Variants in UBE2O observed in about 807,000 individuals in gnomAD.
The protein encoded by UBE2O is ubiquitin conjugating enzyme E2 O.
In UBE2O, 15 loss-of-function variants were observed where a neutral mutation model predicts 125.8. That is an observed-to-expected ratio of 0.12 (90% CI 0.08 to 0.18). The LOEUF (loss-of-function observed/expected upper bound fraction) is 0.18. Among genes scored for constraint, UBE2O ranks in the 10% least tolerant of loss-of-function variants. The probability of loss-of-function intolerance (pLI) is 1.00; values close to 1 mark genes in which losing one functional copy is unlikely to be tolerated. For synonymous variants in UBE2O, 708 were observed against 703.2 expected (o/e 1.01, Z -0.11); for missense variants, 1,280 against 1,723.6 (o/e 0.74, Z 4.56).
chr17:76,426,834 TA>T (rs1197051577), intron 1 of UBE2O, among the ~76,000 whole-genome samples: 5 of 152,222 alleles, frequency 3.3e-5, no homozygotes, highest in Admixed American at 3.3e-4. Flanking sequence ...CGCCTCTGGA[TA>T]CCATTACTGT....
chr17:76,423,886 A>G (rs534030440), intron 1 of UBE2O, among the ~76,000 whole-genome samples: 10 of 131,048 alleles, frequency 7.6e-5, no homozygotes, highest in East Asian at 2.3e-4. Context: ...AGCTACTTCC[A>G]GGTTGGGTTC....
chr17:76,418,829 A>G (rs569963482), intron 1 of UBE2O, among the ~76,000 whole-genome samples: 8 of 152,250 alleles, frequency 5.3e-5, no homozygotes, highest in African/African-American at 1.7e-4. Flanking sequence ...TCGGCCTCCC[A>G]AAGTGCTGGG....
At chr17:76,397,738 G>C in intron 13 of UBE2O, 61 bp downstream of exon 13, 2 of 1,531,348 alleles carry the variant, frequency 1.3e-6, no homozygotes, top group Non-Finnish European at 1.8e-6. Context: ...ACACGCCTGT[G>C]GCCCCCGGCC....
intron 1 of UBE2O, among the ~76,000 whole-genome samples, chr17:76,423,269 C>T (rs1167949949): frequency 6.6e-6 from 1 of 152,168 alleles, no homozygotes; most frequent in Non-Finnish European, 1.5e-5. Flanking sequence ...GCCCCAGCTA[C>T]TCAAGAGGCT....
chr17:76,405,375 G>T lies in UBE2O; in HGVS notation c.478-59C>A. ...TGCAGCAGCCCTGGTCACCAGGGGA[G>T]ACCCAGCCCAGGCAACCCCAGCGCA... On this transcript the variant is annotated intron_variant, in intron 2 of 17. Coordinates refer to ENST00000319380, the MANE Select transcript of UBE2O (RefSeq NM_022066.4). This position sits in a 1 kb window ranked among gnomAD's most constrained non-coding sequence, Gnocchi z 6.1. 1 of 1,543,942 alleles carries T rather than the reference G, an allele frequency of 6.5e-7. No individual in the cohort carries two copies.
chr17:76,444,690 G>T (rs2073126607), intron 1 of UBE2O, among the ~76,000 whole-genome samples: 1 of 152,188 alleles, frequency 6.6e-6, no homozygotes, highest in African/African-American at 2.4e-5. Flanking sequence ...TGAGGAAATG[G>T]AGGCAGACAT....
intron 1 of UBE2O, among the ~76,000 whole-genome samples, chr17:76,439,723 C>T (rs2073050429): frequency 6.6e-6 from 1 of 152,190 alleles, no homozygotes; most frequent in Admixed American, 6.5e-5. Flanking sequence ...CCTCTCTTGC[C>T]TTTATGCGCA....
At chr17:76,449,890 A>G (rs1315730947) in intron 1 of UBE2O, among the ~76,000 whole-genome samples, 1 of 152,346 alleles carries the variant, frequency 6.6e-6, no homozygotes, top group East Asian at 1.9e-4. Context: ...ATTGCACTCC[A>G]GCCTGGGCAA....
chr17:76,423,725 T>TAAATAAATAAATAAAA lies in UBE2O; in HGVS notation c.418-18154_418-18153insTTTTATTTATTTATTT, dbSNP rs1407680083. ...ATAAATAAATAAATAAATAAATAAA[T>TAAATAAATAAATAAAA]AAAAAATAAGGTCAGGCAGGAAGCT... is the stretch of plus-strand genomic sequence containing the variant. On this transcript the variant is annotated intron_variant, in intron 1 of 17. Transcript: ENST00000319380. 4.7e-3 allele frequency among the ~76,000 whole-genome samples: 698 copies of TAAATAAATAAATAAAA among 148,838 alleles called. 5 individuals carry two copies. Among genetic ancestry groups the TAAATAAATAAATAAAA allele is most frequent in the African/African-American group, 9.6e-3 (391 of 40,538 alleles).
Position 76,405,405 on chromosome 17 carries a change from C to T in UBE2O, c.478-89G>A. The T allele has an allele frequency of 6.7e-7, 1 of 1,503,646 alleles. No homozygotes were observed. The highest frequency in any genetic ancestry group is 9.1e-7 in the Non-Finnish European group (1 of 1,097,040). 93.1% of individuals were successfully genotyped at this position (1,503,646 alleles called of 1,614,324 possible). A position where few individuals can be genotyped will look rare whatever the true frequency, so the allele number is the denominator to read the frequency against. On this transcript the variant is annotated intron_variant, in intron 2 of 17. Coordinates refer to ENST00000319380, the MANE Select transcript of UBE2O (RefSeq NM_022066.4). This position sits in a 1 kb window ranked among gnomAD's most constrained non-coding sequence, Gnocchi z 6.1. ...AGCCCAGGCAACCCCAGCGCACCCCCTGCAGAGCTGGCCAGTTCTCCCACA... is the reference window on the plus strand; with the variant it reads ...AGCCCAGGCAACCCCAGCGCACCCCTTGCAGAGCTGGCCAGTTCTCCCACA...
At chr17:76,414,624 C>T (rs941396912) in intron 1 of UBE2O, among the ~76,000 whole-genome samples, 3 of 152,196 alleles carry the variant, frequency 2.0e-5, no homozygotes, top group Non-Finnish European at 4.4e-5. Flanking sequence ...CCTGGAAACT[C>T]GGCTGCAGCT....
intron 1 of UBE2O, among the ~76,000 whole-genome samples, chr17:76,440,529 T>C (rs936215614): frequency 2.0e-5 from 3 of 152,244 alleles, no homozygotes; most frequent in Non-Finnish European, 2.9e-5. Context: ...GGTTTCATCA[T>C]GTTGCCCAGG....
chr17:76,391,372 G>A lies in UBE2O; in HGVS notation c.3450C>T (p.Ala1150=). 6.2e-7 allele frequency: 1 copy of A among 1,613,302 alleles called. No individual in the cohort carries two copies. Among genetic ancestry groups the A allele is most frequent in the Non-Finnish European group, 8.5e-7 (1 of 1,180,018 alleles). The change falls in exon 18 of 18, where the codon GCC becomes GCT. Residue 1150 remains alanine, a synonymous_variant. Coordinates refer to ENST00000319380, the MANE Select transcript of UBE2O (RefSeq NM_022066.4). This position sits in a 1 kb window ranked among gnomAD's most constrained non-coding sequence, Gnocchi z 8.4. ...NRIESWLETH[A]LLEKAQALPN... ...GCAGTGCCTGGGCCTTCTCCAGCAG[G>A]GCATGGGTTTCCAGCCAGGACTCGA...
intron 1 of UBE2O, among the ~76,000 whole-genome samples, chr17:76,441,970 T>C (rs1368530017): frequency 6.6e-6 from 1 of 152,208 alleles, no homozygotes; most frequent in Non-Finnish European, 1.5e-5. Flanking sequence ...GCATTCTTTT[T>C]CCAATAGAGA....
At chr17:76,435,728 G>A (rs941064801) in intron 1 of UBE2O, among the ~76,000 whole-genome samples, 4 of 152,166 alleles carry the variant, frequency 2.6e-5, no homozygotes, top group African/African-American at 9.7e-5. Flanking sequence ...CTGTGTCTGA[G>A]GCCTTCTCTG....
At chr17:76,440,475 A>G (rs2073061869) in intron 1 of UBE2O, among the ~76,000 whole-genome samples, 1 of 152,130 alleles carries the variant, frequency 6.6e-6, no homozygotes, top group African/African-American at 2.4e-5. Flanking sequence ...CTACAGGCGT[A>G]AGCTGCCACG....
chr17:76,413,298 T>C (rs1277576920), intron 1 of UBE2O, among the ~76,000 whole-genome samples: 2 of 152,194 alleles, frequency 1.3e-5, no homozygotes, highest in African/African-American at 4.8e-5. Flanking sequence ...TTACACCAGA[T>C]TGGAAAGTTT....
At chr17:76,413,028 A>G (rs985857636) in intron 1 of UBE2O, among the ~76,000 whole-genome samples, 25 of 152,320 alleles carry the variant, frequency 1.6e-4, no homozygotes, top group African/African-American at 6.0e-4. Flanking sequence ...AAACAAAACA[A>G]AACAAAATGA....
At chr17:76,438,505 C>A (rs920233680) in intron 1 of UBE2O, among the ~76,000 whole-genome samples, 1 of 152,152 alleles carries the variant, frequency 6.6e-6, no homozygotes, top group African/African-American at 2.4e-5. Flanking sequence ...GAAACACATG[C>A]TTTACCTGTT....
Sources: gnomAD v4.1 joint callset for allele counts (sites outside exome capture counted in the v4.1 genomes callset) on GRCh38, gnomAD v4.1.1 for gene constraint, Gnocchi (gnomAD v3.1) non-coding constraint, MANE v1.5 for transcripts, NCBI Gene and HGNC (gene_info 2026-07-23, HGNC 2026-07-21) for gene names.